INTS8: variants seen among roughly 807,000 people sequenced by gnomAD.
The protein encoded by INTS8 is protein kaonashi-1.
A neutral mutation model predicts 138.9 loss-of-function variants in INTS8; 47 were observed. The ratio of observed to expected loss-of-function variants is 0.34; its 90% confidence interval spans 0.27 to 0.43. The LOEUF is 0.43. INTS8 is among the 20% of genes least tolerant of loss of function. The probability of loss-of-function intolerance (pLI) is 1.00; values close to 1 mark genes in which losing one functional copy is unlikely to be tolerated. For synonymous variants in INTS8, 392 were observed against 400.9 expected (o/e 0.98, Z 0.27); for missense variants, 996 against 1,173.0 (o/e 0.85, Z 2.20).
chr8:94,875,986 T>C, intron 23 of INTS8, 88 bp from the exon 24 acceptor site: 1 of 876,162 alleles, frequency 1.1e-6, no homozygotes, highest in Non-Finnish European at 1.9e-6. Flanking sequence ...ATGTGATCTA[T>C]AAGGCTTAAT....
intron 8 of INTS8, among the ~76,000 whole-genome samples, chr8:94,840,173 G>A (rs1375466933): frequency 6.6e-6 from 1 of 152,210 alleles, no homozygotes; most frequent in Non-Finnish European, 1.5e-5. Flanking sequence ...GTTTTGTTTA[G>A]TGCTGATGAA....
chr8:94,860,926 G>A (rs559308562), intron 16 of INTS8, among the ~76,000 whole-genome samples: 5 of 151,040 alleles, frequency 3.3e-5, no homozygotes, highest in Admixed American at 6.6e-5. Context: ...GCGTAGTGGC[G>A]GGCTCCTGTA....
chr8:94,866,444 A>T, intron 18 of INTS8: 2 of 422,728 alleles, frequency 4.7e-6, no homozygotes, highest in South Asian at 2.2e-5. Flanking sequence ...AGGCACATGT[A>T]ACCATGCCCA....
chr8:94,871,768 C>T (rs757758507), intron 20 of INTS8, 116 bp from the exon 21 acceptor site: 94 of 685,568 alleles, frequency 1.4e-4, no homozygotes, highest in Middle Eastern at 1.3e-3. Context: ...TAGTATTTAG[C>T]ATTATATTTA....
chr8:94,881,188 C>T lies in INTS8; in HGVS notation c.*954C>T, dbSNP rs2131092295. ...AATTTAATTTTCAAGAACCAAATTG[C>T]ACTAGTCAAGAGTGTAGGAATTTTG... On this transcript the variant is annotated 3_prime_UTR_variant, in exon 27 of 27. Transcript: ENST00000523731. 2.6e-6 allele frequency: 1 copy of T among 380,528 alleles called. No homozygotes were observed. Among genetic ancestry groups the T allele is most frequent in the African/African-American group, 2.1e-5 (1 of 48,462 alleles). 23.6% of individuals were successfully genotyped at this position (380,528 alleles called of 1,614,324 possible).
chr8:94,872,742 A>G (rs1816441899), intron 21 of INTS8, among the ~76,000 whole-genome samples: 1 of 152,182 alleles, frequency 6.6e-6, no homozygotes, highest in African/African-American at 2.4e-5. Context: ...CTATTACTCT[A>G]CAGATCAAAT....
chr8:94,830,104 C>T (rs1814658259), intron 5 of INTS8, among the ~76,000 whole-genome samples: 1 of 152,160 alleles, frequency 6.6e-6, no homozygotes, highest in Non-Finnish European at 1.5e-5. Context: ...CCGTGTTGGC[C>T]AGGCTGGTCT....
At chr8:94,838,413 ATTG>A in intron 7 of INTS8, 47 bp from the exon 8 acceptor site, 1 of 1,447,420 alleles carries the variant, frequency 6.9e-7, no homozygotes, top group East Asian at 2.3e-5. Context: ...GTGCTAGACT[ATTG>A]TTTATATTAC....
At chr8:94,844,057 A>G (rs1165846270) in intron 10 of INTS8, among the ~76,000 whole-genome samples, 1 of 135,162 alleles carries the variant, frequency 7.4e-6, no homozygotes, top group African/African-American at 2.8e-5. Flanking sequence ...ATTTTTTGAG[A>G]TGGGGCCCCC....
At position 94,876,435 on chromosome 8, in the gene INTS8, T is replaced by C. The variant is rs1202642808; in HGVS notation, c.2828-11T>C. ...TACTATCAGATTTATTTTCCTTAACTGATTCATTAGATCTTCATCATAAAA... is the reference window on the plus strand; with the variant it reads ...TACTATCAGATTTATTTTCCTTAACCGATTCATTAGATCTTCATCATAAAA... On this transcript the variant is annotated splice_polypyrimidine_tract_variant and intron_variant, in intron 25 of 26. Coordinates refer to ENST00000523731, the MANE Select transcript of INTS8 (RefSeq NM_017864.4). 4.0e-6 allele frequency: 6 copies of C among 1,515,584 alleles called. No homozygotes were observed. The East Asian group carries it at 1.1e-4, about 29-fold the overall frequency. The allele number at this position is 1,515,584 out of a possible 1,614,324, so 93.9% of individuals were successfully genotyped here.
intron 2 of INTS8, among the ~76,000 whole-genome samples, chr8:94,827,006 C>T (rs528375651): frequency 6.6e-6 from 1 of 151,858 alleles, no homozygotes; most frequent in African/African-American, 2.4e-5. Flanking sequence ...TCAGGAGGCT[C>T]AGGCAGGAGA....
chr8:94,827,418 A>G lies in INTS8; in HGVS notation c.446+15A>G. 1 of 1,613,838 alleles carries G rather than the reference A, an allele frequency of 6.2e-7. No homozygotes were observed. The highest frequency in any genetic ancestry group is 1.1e-5 in the South Asian group (1 of 91,038). ...TATAATAGATGGTAAATGTTTTCATAAACTCAGAAGGCGTTGGGCAACCTC... is the reference window on the plus strand; with the variant it reads ...TATAATAGATGGTAAATGTTTTCATGAACTCAGAAGGCGTTGGGCAACCTC... On this transcript the variant is annotated intron_variant, in intron 3 of 26. Coordinates refer to ENST00000523731, the MANE Select transcript of INTS8 (RefSeq NM_017864.4).
rs1480839497 is a variant in INTS8 at position 94,824,978 on chromosome 8, G to A, written c.216G>A (p.Pro72=). The A allele has an allele frequency of 4.3e-6, 7 of 1,612,334 alleles. No individual in the cohort carries two copies. The highest frequency in any genetic ancestry group is 2.2e-5 in the East Asian group (1 of 44,866). ...ATGAACAAAACCAAGTTCAACCTCCGCCTGATAACAAGAGAAATCGTATTT... is the reference window on the plus strand; with the variant it reads ...ATGAACAAAACCAAGTTCAACCTCCACCTGATAACAAGAGAAATCGTATTT... The part of the protein sequence containing the change: ...SVNEQNQVQP[P]PDNKRNRILK... Residue 72 remains proline, a synonymous_variant, in exon 2 of 27, where the codon CCG becomes CCA. Coordinates refer to ENST00000523731, the MANE Select transcript of INTS8 (RefSeq NM_017864.4).
chr8:94,859,487 A>G (rs773176835), intron 15 of INTS8, 24 bp from the exon 16 acceptor site: 5 of 1,606,842 alleles, frequency 3.1e-6, no homozygotes, highest in Middle Eastern at 1.7e-4. Context: ...GGTAATTCCA[A>G]CTGTTTTCTT....
At chr8:94,836,764 C>G (rs1814940670) in intron 7 of INTS8, 133 bp downstream of exon 7, 1 of 569,156 alleles carries the variant, frequency 1.8e-6, no homozygotes, top group African/African-American at 1.9e-5. Context: ...AGTACTAAAA[C>G]TGGTTTTTAA....
chr8:94,856,296 A>G (rs751521385), intron 14 of INTS8, among the ~76,000 whole-genome samples: 20 of 152,216 alleles, frequency 1.3e-4, no homozygotes, highest in Non-Finnish European at 2.2e-4. Context: ...AATAGAATAT[A>G]GTCTTTGGAA....
chr8:94,854,205 C>T (rs1815660476), intron 14 of INTS8, among the ~76,000 whole-genome samples: 1 of 135,072 alleles, frequency 7.4e-6, no homozygotes, highest in African/African-American at 2.8e-5. Flanking sequence ...TAGTCCATCT[C>T]GGAAAAAAAA....
At chr8:94,852,542 C>A (rs1185627681) in intron 13 of INTS8, among the ~76,000 whole-genome samples, 1 of 151,696 alleles carries the variant, frequency 6.6e-6, no homozygotes. Flanking sequence ...TACATACTTA[C>A]TCCTCCCCTG....
intron 22 of INTS8, among the ~76,000 whole-genome samples, 189 bp from the exon 23 acceptor site, chr8:94,874,363 A>G (rs1816504620): frequency 6.6e-6 from 1 of 152,118 alleles, no homozygotes; most frequent in Non-Finnish European, 1.5e-5. Context: ...AACATTTATT[A>G]GATTTTTGGT....
Sources: gnomAD v4.1 joint callset for allele counts (sites outside exome capture counted in the v4.1 genomes callset) on GRCh38, gnomAD v4.1.1 for gene constraint, MANE v1.5 for transcripts, NCBI Gene and HGNC (gene_info 2026-07-23, HGNC 2026-07-21) for gene names.